ME3: variants seen among roughly 807,000 people sequenced by gnomAD.
The protein encoded by ME3 is malic enzyme 3, also known as NADP-dependent malic enzyme, mitochondrial.
In ME3, 48 loss-of-function variants were observed where a neutral mutation model predicts 68.9. The observed-to-expected ratio is 0.70, with a 90% CI of 0.55 to 0.89. ME3 has a LOEUF of 0.89. Among genes scored for constraint, ME3 ranks in the 40% least tolerant of loss-of-function variants. The probability of loss-of-function intolerance (pLI) is 0.00; values close to 1 mark genes in which losing one functional copy is unlikely to be tolerated. For synonymous variants in ME3, 320 were observed against 318.8 expected (o/e 1.00, Z -0.04); for missense variants, 675 against 797.4 (o/e 0.85, Z 1.85).
intron 13 of ME3, among the ~76,000 whole-genome samples, chr11:86,445,135 G>A (rs1269164636): frequency 6.6e-6 from 1 of 152,218 alleles, no homozygotes; most frequent in Non-Finnish European, 1.5e-5. Context: ...ATCCAATGGG[G>A]ACTTCACACA....
chr11:86,592,535 G>A (rs1239572189), intron 2 of ME3, among the ~76,000 whole-genome samples: 1 of 152,156 alleles, frequency 6.6e-6, no homozygotes, highest in African/African-American at 2.4e-5. Flanking sequence ...AGAAGTGTGA[G>A]TTTAATTAGG....
chr11:86,559,218 C>T (rs1210547618), intron 3 of ME3, among the ~76,000 whole-genome samples: 1 of 152,126 alleles, frequency 6.6e-6, no homozygotes, highest in East Asian at 1.9e-4. Context: ...CATCTAGGTC[C>T]ATCCTAAGGT....
chr11:86,476,385 A>G (rs753812628), intron 7 of ME3, among the ~76,000 whole-genome samples: 26 of 152,242 alleles, frequency 1.7e-4, no homozygotes, highest in Admixed American at 3.9e-4. Context: ...GCATCCTTCC[A>G]GCTCTGAGGG....
At chr11:86,667,206 C>G (rs1467637008) in intron 2 of ME3, among the ~76,000 whole-genome samples, 2 of 152,218 alleles carry the variant, frequency 1.3e-5, no homozygotes, top group Non-Finnish European at 2.9e-5. Flanking sequence ...ACTAAGCACA[C>G]TTTCCATTCA....
chr11:86,600,235 T>A (rs1473819975), intron 2 of ME3, among the ~76,000 whole-genome samples: 3 of 151,708 alleles, frequency 2.0e-5, no homozygotes, highest in African/African-American at 7.3e-5. Context: ...ACACATAGGC[T>A]CAAAATAAAA....
intron 2 of ME3, among the ~76,000 whole-genome samples, chr11:86,604,546 G>A (rs567654990): frequency 6.6e-6 from 1 of 152,182 alleles, no homozygotes; most frequent in South Asian, 2.1e-4. Context: ...ACTGGATAAA[G>A]GTAGAGAATT....
chr11:86,472,108 G>A (rs1167364652), intron 7 of ME3, among the ~76,000 whole-genome samples: 1 of 152,168 alleles, frequency 6.6e-6, no homozygotes, highest in Non-Finnish European at 1.5e-5. Context: ...CGGATGGAAG[G>A]AGGGAGGAGG....
At chr11:86,601,211 C>A (rs1466075982) in intron 2 of ME3, among the ~76,000 whole-genome samples, 2 of 151,066 alleles carry the variant, frequency 1.3e-5, no homozygotes, top group East Asian at 1.9e-4. Flanking sequence ...GCTAGCAAGA[C>A]TAATAAAGAA....
At chr11:86,444,495 G>C (rs1002669407) in intron 13 of ME3, among the ~76,000 whole-genome samples, 2 of 152,166 alleles carry the variant, frequency 1.3e-5, no homozygotes, top group Non-Finnish European at 2.9e-5. Flanking sequence ...ATAGAAGATG[G>C]ATTGATAAGA....
chr11:86,661,293 A>T (rs756868076), intron 2 of ME3, among the ~76,000 whole-genome samples: 3 of 152,252 alleles, frequency 2.0e-5, no homozygotes, highest in Non-Finnish European at 4.4e-5. Context: ...AGGGCATCAT[A>T]GCAGAGGTGA....
chr11:86,457,426 T>C (rs1202414311), intron 8 of ME3: 7 of 900,398 alleles, frequency 7.8e-6, no homozygotes, highest in Non-Finnish European at 8.1e-6. Flanking sequence ...TTCTCAGCCT[T>C]CTTCTTTCTT....
At position 86,630,699 on chromosome 11, in the gene ME3, A is replaced by C. The variant is rs546213607; in HGVS notation, c.183+41063T>G. ...ACACACTCTTTGGCATCTTCTCGGA[A>C]TACCAACACCCAGCGTCTCCTCAGA... On this transcript the variant is annotated intron_variant, in intron 2 of 14. Transcript: ENST00000543262. 3.9e-5 allele frequency among the ~76,000 whole-genome samples: 6 copies of C among 152,382 alleles called. 1 individual carries two copies. In the South Asian group the frequency reaches 1.0e-3, roughly 26 times the overall value.
chr11:86,498,742 T>C (rs540129157), intron 5 of ME3, among the ~76,000 whole-genome samples: 17 of 152,244 alleles, frequency 1.1e-4, no homozygotes, highest in Non-Finnish European at 2.4e-4. Flanking sequence ...GATGTAGTGC[T>C]ACTTCAAGGC....
chr11:86,529,119 TAAA>T (rs952061373), intron 4 of ME3, among the ~76,000 whole-genome samples: 7 of 151,642 alleles, frequency 4.6e-5, no homozygotes, highest in Admixed American at 3.3e-4. Context: ...GCGAGACTAA[TAAA>T]GAAGAAAAGA....
chr11:86,555,635 T>A (rs142264277), intron 4 of ME3, among the ~76,000 whole-genome samples: 1 of 152,182 alleles, frequency 6.6e-6, no homozygotes, highest in Admixed American at 6.5e-5. Flanking sequence ...GAAACAGGAC[T>A]GGCATTGGGA....
intron 4 of ME3, among the ~76,000 whole-genome samples, chr11:86,519,968 G>T (rs1280065517): frequency 1.3e-5 from 2 of 152,202 alleles, no homozygotes; most frequent in African/African-American, 2.4e-5. Flanking sequence ...ACATGTTAGT[G>T]GTGGTTCACT....
chr11:86,560,748 G>GTGTCTGTGTATATATATATATATATATA, intron 2 of ME3, among the ~76,000 whole-genome samples: 1 of 62,526 alleles, frequency 1.6e-5, no homozygotes, highest in African/African-American at 5.9e-5. Context: ...GTGTGTGTGT[G>GTGTCTGTGTATATATATATATATATATA]TATATATATA....
chr11:86,449,429 G>A lies in ME3; in HGVS notation c.1131+460C>T, dbSNP rs956465635. 5.2e-4 allele frequency among the ~76,000 whole-genome samples: 79 copies of A among 152,228 alleles called. 7 individuals are homozygous for A. The highest frequency in any genetic ancestry group is 1.2e-4 in the Non-Finnish European group (8 of 68,036). ...TTCTCTACAGTGTGGTAAGTACAAT[G>A]TATGGAGCATAGATGCAGGAAATAA... is the stretch of plus-strand genomic sequence containing the variant. On this transcript the variant is annotated intron_variant, in intron 10 of 14. Transcript: ENST00000543262.
intron 2 of ME3, among the ~76,000 whole-genome samples, chr11:86,599,460 C>A (rs995506944): frequency 8.5e-5 from 13 of 152,104 alleles, no homozygotes; most frequent in Admixed American, 3.3e-4. Flanking sequence ...CTGAAAAGAC[C>A]AAATCTGCAT....
Sources: allele counts gnomAD v4.1 joint callset (sites outside exome capture counted in the v4.1 genomes callset), GRCh38; gene constraint gnomAD v4.1.1; transcripts MANE v1.5; gene names NCBI Gene and HGNC (gene_info 2026-07-23, HGNC 2026-07-21).